Variants in GNB4 observed in about 807,000 individuals in gnomAD.
GNB4 encodes the protein guanine nucleotide-binding protein subunit beta-4.
GNB4 carries 28 observed loss-of-function variants against 45.2 expected under a neutral mutation model. The observed-to-expected ratio is 0.62, with a 90% confidence interval of 0.46 to 0.85. The LOEUF (loss-of-function observed/expected upper bound fraction) is 0.85. Among genes scored for constraint, GNB4 ranks in the 40% least tolerant of loss-of-function variants. GNB4 has a pLI of 0.00. For missense variants in GNB4, 321 were observed against 425.4 expected, an observed-to-expected ratio of 0.75 and a Z score of 2.16; for synonymous variants, 132 against 143.7, an observed-to-expected ratio of 0.92 and a Z score of 0.58.
chr3:179,444,114 A>AT (rs1392685791), intron 1 of GNB4, among the ~76,000 whole-genome samples: 2 of 152,080 alleles, frequency 1.3e-5, no homozygotes, highest in South Asian at 2.1e-4. Flanking sequence ...CTTTGCAAAG[A>AT]TTTTTTTGCA....
At chr3:179,425,995 G>A in intron 2 of GNB4, 149 bp downstream of exon 2, 1 of 619,824 alleles carries the variant, frequency 1.6e-6, no homozygotes, top group Non-Finnish European at 2.8e-6. Context: ...AACACAAATA[G>A]ACCTCAGTTC....
chr3:179,472,293 A>G, the GNB4 span, among the ~76,000 whole-genome samples: 9 of 151,428 alleles, frequency 5.9e-5, no homozygotes, highest in Non-Finnish European at 1.0e-4. Context: ...AATTTTCAAT[A>G]TTCACCAAAT....
chr3:179,437,769 GCA>G (rs1446878055), intron 1 of GNB4: 1 of 151,940 alleles, frequency 6.6e-6, no homozygotes, highest in Non-Finnish European at 1.5e-5. Flanking sequence ...GGACTGCCTG[GCA>G]CAAAGGCAGG....
intron 1 of GNB4, among the ~76,000 whole-genome samples, chr3:179,444,852 A>G (rs971804275): frequency 1.3e-5 from 2 of 152,360 alleles, no homozygotes; most frequent in East Asian, 3.9e-4. Context: ...TCACATGCCA[A>G]TTAGACATAA....
chr3:179,495,407 C>A, the GNB4 span, among the ~76,000 whole-genome samples: 1 of 151,610 alleles, frequency 6.6e-6, no homozygotes, highest in Non-Finnish European at 1.5e-5. Flanking sequence ...AGCCAGGAGG[C>A]AGAGGTTGCA....
At chr3:179,476,096 A>G in the GNB4 span, among the ~76,000 whole-genome samples, 1 of 152,224 alleles carries the variant, frequency 6.6e-6, no homozygotes, top group East Asian at 1.9e-4. Context: ...TCAAAGCACA[A>G]TTCATCCTGA....
At chr3:179,410,734 T>G (rs1302067516) in intron 8 of GNB4, 1 of 152,160 alleles carries the variant, frequency 6.6e-6, no homozygotes, top group Non-Finnish European at 1.5e-5. Flanking sequence ...GACTTCAACA[T>G]ATAAATTTTA....
At chr3:179,525,229 A>G in the GNB4 span, among the ~76,000 whole-genome samples, 3 of 152,198 alleles carry the variant, frequency 2.0e-5, no homozygotes, top group Admixed American at 2.0e-4. Context: ...GTCTTGTAAA[A>G]TGGAGAAATC....
chr3:179,464,865 C>T, the GNB4 span: 13 of 1,377,920 alleles, frequency 9.4e-6, no homozygotes, highest in East Asian at 9.2e-5. Context: ...TCCATGTTAC[C>T]GGCTACCCCA....
the GNB4 span, among the ~76,000 whole-genome samples, chr3:179,520,850 G>T: frequency 1.6e-4 from 25 of 152,204 alleles, no homozygotes; most frequent in East Asian, 4.8e-3. Context: ...ATTGATGGCA[G>T]TTCCACCAGG....
Position 179,396,102 on chromosome 3 carries a change from C to T in GNB4, c.*5111G>A, listed in dbSNP as rs556780311. 2.0e-5 allele frequency: 3 copies of T among 151,632 alleles called. No homozygotes were observed. The East Asian group carries it at 5.8e-4, about 29-fold the overall frequency. The allele number at this position is 151,632 out of a possible 1,614,324, so 9.4% of individuals were successfully genotyped here. On this transcript the variant is annotated 3_prime_UTR_variant, in exon 10 of 10. Transcript: ENST00000232564. ...ATACAATGAAATCTGGTTAAAAGCA[C>T]TTTATTGATTACAGTATCAATTCAC...
the GNB4 span, among the ~76,000 whole-genome samples, chr3:179,494,262 G>GAAGA: frequency 2.7e-5 from 4 of 149,734 alleles, no homozygotes; most frequent in Non-Finnish European, 4.4e-5. Context: ...AAGAAGAAAG[G>GAAGA]AAGAAAGAAA....
At chr3:179,441,377 C>G (rs996695107) in intron 1 of GNB4, among the ~76,000 whole-genome samples, 1 of 152,134 alleles carries the variant, frequency 6.6e-6, no homozygotes, top group Non-Finnish European at 1.5e-5. Context: ...ACACTGCAGG[C>G]AATTTTAACA....
At chr3:179,465,211 G>A in the GNB4 span, 3 of 1,357,480 alleles carry the variant, frequency 2.2e-6, no homozygotes, top group Non-Finnish European at 3.2e-6. Flanking sequence ...AACTGAAGTT[G>A]GTTGGAGATG....
At chr3:179,433,279 A>C (rs1236688771) in intron 1 of GNB4, among the ~76,000 whole-genome samples, 1 of 152,126 alleles carries the variant, frequency 6.6e-6, no homozygotes, top group African/African-American at 2.4e-5. Flanking sequence ...ACAAAACCCA[A>C]AAACTTTCAA....
the GNB4 span, among the ~76,000 whole-genome samples, chr3:179,468,035 A>AAAAAAAAAAATATATATAT: frequency 5.4e-3 from 487 of 89,850 alleles, 27 homozygotes; most frequent in African/African-American, 0.01. Context: ...TGTTGATAAA[A>AAAAAAAAAAATATATATAT]ATATATATAT....
At chr3:179,483,116 G>T in the GNB4 span, among the ~76,000 whole-genome samples, 1 of 152,078 alleles carries the variant, frequency 6.6e-6, no homozygotes, top group African/African-American at 2.4e-5. Context: ...TCTATCTAAA[G>T]GACAATTTAA....
chr3:179,515,437 T>C, the GNB4 span, among the ~76,000 whole-genome samples: 1 of 151,994 alleles, frequency 6.6e-6, no homozygotes, highest in Non-Finnish European at 1.5e-5. Flanking sequence ...GGCTGTGTTA[T>C]AGGATTTGGG....
chr3:179,460,850 C>T, the GNB4 span, among the ~76,000 whole-genome samples: 5 of 151,964 alleles, frequency 3.3e-5, no homozygotes, highest in Non-Finnish European at 5.9e-5. Flanking sequence ...TTTACAAAAG[C>T]TTATTCTTAA....
Sources: allele counts gnomAD v4.1 joint callset (sites outside exome capture counted in the v4.1 genomes callset), GRCh38; gene constraint gnomAD v4.1.1; transcripts MANE v1.5; gene names NCBI Gene and HGNC (gene_info 2026-07-23, HGNC 2026-07-21).